PEX14: variants seen among roughly 807,000 people sequenced by gnomAD.
The protein encoded by PEX14 is peroxisomal biogenesis factor 14, also known as peroxisomal membrane protein PEX14.
Under a neutral mutation model 49.5 loss-of-function variants are expected in PEX14, and 15 were observed. The ratio of observed to expected loss-of-function variants is 0.30; its 90% CI spans 0.20 to 0.47. PEX14 has a LOEUF of 0.47. PEX14 is among the 20% of genes least tolerant of loss of function. The pLI, the probability that PEX14 is intolerant of heterozygous loss-of-function variation, is 1.00. For synonymous variants in PEX14, 210 were observed against 212.7 expected, an observed-to-expected ratio of 0.99 and a Z score of 0.11; for missense variants, 398 against 494.8, an observed-to-expected ratio of 0.80 and a Z score of 1.86.
At chr1:10,480,168 A>G (rs866648901) in intron 1 of PEX14, among the ~76,000 whole-genome samples, 4 of 151,266 alleles carry the variant, frequency 2.6e-5, no homozygotes, top group Non-Finnish European at 4.4e-5. Context: ...CTTGAATAAC[A>G]GCAGGTCAGA....
rs558034300 is a variant in PEX14 at position 10,502,305 on chromosome 1, A to G, written c.84+6984A>G. 7.2e-5 allele frequency among the ~76,000 whole-genome samples: 11 copies of G among 152,214 alleles called. No individual in the cohort carries two copies. In the South Asian group the frequency reaches 2.3e-3, roughly 32 times the overall value. The stretch of plus-strand genomic sequence containing the variant: ...TCTGCCAGATCTGCCGAAAAAAGCT[A>G]AGAACTGGATGCTGAAATGGATGAA... On this transcript the variant is annotated intron_variant, in intron 2 of 8. Coordinates refer to ENST00000356607, the MANE Select transcript of PEX14 (RefSeq NM_004565.3).
intron 3 of PEX14, among the ~76,000 whole-genome samples, chr1:10,564,688 C>A (rs765444315): frequency 5.3e-5 from 8 of 150,258 alleles, no homozygotes; most frequent in Non-Finnish European, 1.2e-4. Flanking sequence ...CCTGCCTTGG[C>A]CTCTCAAAGT....
chr1:10,583,402 T>TAA (rs146183048), intron 3 of PEX14, among the ~76,000 whole-genome samples: 2 of 142,858 alleles, frequency 1.4e-5, no homozygotes, highest in African/African-American at 5.4e-5. Context: ...TTTTTTTTTT[T>TAA]AAAAAGGTGA....
chr1:10,535,752 T>C (rs1389166684), intron 2 of PEX14: 1 of 286,884 alleles, frequency 3.5e-6, no homozygotes, highest in Non-Finnish European at 6.8e-6. Context: ...GAACAGACTA[T>C]AAAAGGGCTG....
chr1:10,543,533 G>C (rs528437796), intron 3 of PEX14, among the ~76,000 whole-genome samples: 1 of 152,336 alleles, frequency 6.6e-6, no homozygotes, highest in East Asian at 1.9e-4. Context: ...AGAGACGCAT[G>C]TGCCAGTCGC....
At chr1:10,507,258 G>A (rs1311619887) in intron 2 of PEX14, among the ~76,000 whole-genome samples, 3 of 152,362 alleles carry the variant, frequency 2.0e-5, no homozygotes, top group East Asian at 1.9e-4. Flanking sequence ...CTGTGCAGAC[G>A]GGGAGAGCAG....
Position 10,514,156 on chromosome 1 carries a change from C to CTGTGTGTG in PEX14, c.84+18871_84+18878dup, listed in dbSNP as rs56306413. On this transcript the variant is annotated intron_variant, in intron 2 of 8. Coordinates refer to ENST00000356607, the MANE Select transcript of PEX14 (RefSeq NM_004565.3). The surrounding 1 kb of genome is among the most constrained non-coding windows in gnomAD (Gnocchi z 4.4). ...AAAATGTATAAAATAATCTATGCCT[C>CTGTGTGTG]TGTGTGTGTGTGTGTGTGTGTGTGT... Among the ~76,000 whole-genome samples, 1,139 of 143,228 alleles carry CTGTGTGTG rather than the reference C, an allele frequency of 8.0e-3. 11 individuals are homozygous for CTGTGTGTG. The highest frequency in any genetic ancestry group is 0.029 in the East Asian group (137 of 4,798). The allele number at this position is 143,228 out of a possible 152,430, so 94.0% of individuals were successfully genotyped here.
intron 2 of PEX14, among the ~76,000 whole-genome samples, chr1:10,532,639 T>C (rs1638682209): frequency 6.6e-6 from 1 of 152,162 alleles, no homozygotes; most frequent in African/African-American, 2.4e-5. Flanking sequence ...GCAATAAAGT[T>C]CCTGTCTCCG....
intron 3 of PEX14, among the ~76,000 whole-genome samples, chr1:10,565,205 T>C (rs1041672228): frequency 6.6e-6 from 1 of 152,192 alleles, no homozygotes; most frequent in African/African-American, 2.4e-5. Flanking sequence ...CCCAGCCTTT[T>C]TTTGTATATC....
chr1:10,541,505 C>T (rs933189134), intron 3 of PEX14, among the ~76,000 whole-genome samples: 9 of 152,206 alleles, frequency 5.9e-5, no homozygotes, highest in Admixed American at 2.6e-4. Flanking sequence ...GGGGCGGGGC[C>T]GTGCCCTGCA....
chr1:10,568,080 G>A (rs983803899), intron 3 of PEX14, among the ~76,000 whole-genome samples: 8 of 152,220 alleles, frequency 5.3e-5, no homozygotes, highest in African/African-American at 1.9e-4. Flanking sequence ...GTTAATTCAT[G>A]TCAGTTTTTC....
intron 8 of PEX14, 39 bp downstream of exon 8, chr1:10,627,402 T>A: frequency 7.1e-7 from 1 of 1,406,760 alleles, no homozygotes; most frequent in Non-Finnish European, 1.0e-6. Context: ...TGGTCGGGCC[T>A]GGAAAGGAGG....
At chr1:10,569,953 A>G (rs1260559141) in intron 3 of PEX14, among the ~76,000 whole-genome samples, 3 of 152,024 alleles carry the variant, frequency 2.0e-5, no homozygotes, top group Non-Finnish European at 4.4e-5. Context: ...ATCTTCTTGT[A>G]TTATTTCTTT....
intron 3 of PEX14, among the ~76,000 whole-genome samples, chr1:10,580,918 T>G (rs1460965811): frequency 6.6e-6 from 1 of 152,094 alleles, no homozygotes; most frequent in African/African-American, 2.4e-5. Flanking sequence ...ATTTTACAGA[T>G]GAAGGACCTG....
At chr1:10,581,962 T>C (rs1201493315) in intron 3 of PEX14, among the ~76,000 whole-genome samples, 2 of 151,822 alleles carry the variant, frequency 1.3e-5, no homozygotes, top group East Asian at 3.9e-4. Context: ...ATAGGAGTGC[T>C]ACTGATTTTT....
chr1:10,567,246 A>G (rs1002238752), intron 3 of PEX14, among the ~76,000 whole-genome samples: 1 of 152,242 alleles, frequency 6.6e-6, no homozygotes, highest in Admixed American at 6.5e-5. Flanking sequence ...CCCTGGCTGT[A>G]GTTTCCCATC....
chr1:10,534,740 C>A (rs888067991), intron 2 of PEX14, among the ~76,000 whole-genome samples: 1 of 152,110 alleles, frequency 6.6e-6, no homozygotes, highest in Admixed American at 6.6e-5. Context: ...TCAAGGGACA[C>A]TAGTATGTCC....
chr1:10,616,004 G>T (rs755959463), intron 4 of PEX14, among the ~76,000 whole-genome samples: 1 of 152,190 alleles, frequency 6.6e-6, no homozygotes, highest in African/African-American at 2.4e-5. Context: ...GGGAGTTGGG[G>T]ACTGAGGGAG....
At chr1:10,491,707 G>GTC (rs1641477651) in intron 1 of PEX14, among the ~76,000 whole-genome samples, 1 of 120,252 alleles carries the variant, frequency 8.3e-6, no homozygotes, top group Non-Finnish European at 1.6e-5. Flanking sequence ...TGGAGACAGA[G>GTC]TCTCACTCTG....
Sources: gnomAD v4.1 joint callset for allele counts (sites outside exome capture counted in the v4.1 genomes callset) on GRCh38, gnomAD v4.1.1 for gene constraint, Gnocchi (gnomAD v3.1) non-coding constraint, MANE v1.5 for transcripts, NCBI Gene and HGNC (gene_info 2026-07-23, HGNC 2026-07-21) for gene names.